Variants in KALRN observed in about 807,000 individuals in gnomAD.
KALRN encodes kalirin RhoGEF kinase.
In KALRN, 70 loss-of-function variants were observed where a neutral mutation model predicts 353.7. The ratio of observed to expected loss-of-function variants is 0.20; its 90% CI spans 0.16 to 0.24. The LOEUF is 0.24. KALRN is among the 10% of genes least tolerant of loss of function. The probability of loss-of-function intolerance (pLI) is 1.00; values close to 1 mark genes in which losing one functional copy is unlikely to be tolerated. For missense variants in KALRN, 2,791 were observed against 3,756.7 expected (o/e 0.74, Z 6.72); for synonymous variants, 1,391 against 1,434.8 (o/e 0.97, Z 0.69).
At chr3:124,627,303 C>T (rs1357823223) in intron 34 of KALRN, among the ~76,000 whole-genome samples, 1 of 152,222 alleles carries the variant, frequency 6.6e-6, no homozygotes, top group Non-Finnish European at 1.5e-5. Flanking sequence ...GGTTGCATGG[C>T]TCCAGTTGCT....
At chr3:124,629,071 C>T (rs2080440216) in intron 34 of KALRN, among the ~76,000 whole-genome samples, 1 of 152,096 alleles carries the variant, frequency 6.6e-6, no homozygotes, top group Non-Finnish European at 1.5e-5. Context: ...AATACCTAGT[C>T]CTGTGTTTGA....
At chr3:124,256,940 C>T (rs2072096526) in intron 3 of KALRN, among the ~76,000 whole-genome samples, 1 of 152,190 alleles carries the variant, frequency 6.6e-6, no homozygotes, top group South Asian at 2.1e-4. Flanking sequence ...CTGCCAAGCT[C>T]TTTAGGGAAA....
chr3:124,081,489 G>A (rs1577871458), intron 1 of KALRN, among the ~76,000 whole-genome samples: 1 of 152,302 alleles, frequency 6.6e-6, no homozygotes, highest in South Asian at 2.1e-4. Context: ...GAGGTAAAGG[G>A]GCCGGGCACA....
At chr3:124,579,575 C>T (rs1028927611) in intron 34 of KALRN, among the ~76,000 whole-genome samples, 3 of 152,070 alleles carry the variant, frequency 2.0e-5, no homozygotes, top group African/African-American at 4.8e-5. Flanking sequence ...AAGCGAGGGG[C>T]GGGCACAAGT....
chr3:124,545,772 C>T (rs1470697989), intron 33 of KALRN, among the ~76,000 whole-genome samples: 1 of 152,210 alleles, frequency 6.6e-6, no homozygotes, highest in African/African-American at 2.4e-5. Flanking sequence ...CTTTATGATG[C>T]AGCCTCACCT....
chr3:124,141,941 G>A (rs547996419), intron 1 of KALRN, among the ~76,000 whole-genome samples: 1 of 152,306 alleles, frequency 6.6e-6, no homozygotes, highest in Non-Finnish European at 1.5e-5. Context: ...TCCCAGCTCT[G>A]CTGTGTGGTT....
At chr3:124,689,779 G>T (rs1255689098) in intron 51 of KALRN, among the ~76,000 whole-genome samples, 1 of 152,092 alleles carries the variant, frequency 6.6e-6, no homozygotes, top group Non-Finnish European at 1.5e-5. Context: ...AAAAAAATAT[G>T]ACTGATGGTT....
Position 124,710,102 on chromosome 3 carries a change from A to T in KALRN, c.8076-2833A>T, listed in dbSNP as rs2062818984. 3.9e-5 allele frequency among the ~76,000 whole-genome samples: 6 copies of T among 152,274 alleles called. No individual in the cohort carries two copies. The South Asian group carries it at 1.0e-3, about 26-fold the overall frequency. On this transcript the variant is annotated intron_variant, in intron 57 of 59. Transcript: ENST00000682506. Reference sequence around the variant, plus strand: ...AACTCACAATCAAGTATAAAAGTAGAATAAGTACAAATTTTCAGATATGCA... The same window carrying T: ...AACTCACAATCAAGTATAAAAGTAGTATAAGTACAAATTTTCAGATATGCA...
At chr3:124,182,883 A>T (rs1006951327) in intron 1 of KALRN, among the ~76,000 whole-genome samples, 19 of 152,186 alleles carry the variant, frequency 1.2e-4, no homozygotes, top group Admixed American at 5.9e-4. Flanking sequence ...CTCATTAAAG[A>T]TTTTCATACT....
At chr3:124,242,797 G>C (rs921725947) in intron 3 of KALRN, among the ~76,000 whole-genome samples, 1 of 152,156 alleles carries the variant, frequency 6.6e-6, no homozygotes, top group African/African-American at 2.4e-5. Flanking sequence ...GGTGAGGGTG[G>C]TGGTGGTGTT....
chr3:124,694,354 C>A lies in KALRN; in HGVS notation c.7428C>A (p.Pro2476=). Residue 2476 remains proline, a synonymous_variant, in exon 53 of 60, where the codon CCC becomes CCA. Coordinates refer to ENST00000682506, the MANE Select transcript of KALRN (RefSeq NM_001388419.1). ...IQEVAPEFLV[P]LVDVTCLLGD... is the part of the protein sequence containing the mutation. ...CAGTGGCCCCAGAATTCCTTGTGCC[C>A]TTGGTGGATGTGACCTGCTTGCTTG... The A allele has an allele frequency of 6.2e-7, 1 of 1,614,106 alleles. No individual in the cohort carries two copies. The highest frequency in any genetic ancestry group is 8.5e-7 in the Non-Finnish European group (1 of 1,180,002).
At chr3:124,676,886 G>A (rs1053523237) in intron 49 of KALRN, among the ~76,000 whole-genome samples, 1 of 152,204 alleles carries the variant, frequency 6.6e-6, no homozygotes, top group East Asian at 1.9e-4. Flanking sequence ...GGGGACAGTA[G>A]AGAGCCTGAC....
intron 34 of KALRN, among the ~76,000 whole-genome samples, chr3:124,601,137 G>T (rs1004515272): frequency 5.3e-5 from 8 of 152,180 alleles, no homozygotes; most frequent in African/African-American, 1.7e-4. Flanking sequence ...TAACTTTATG[G>T]CAATGTCTTC....
Position 124,455,355 on chromosome 3 carries a change from C to A in KALRN, c.3731C>A (p.Thr1244Lys), listed in dbSNP as rs760822519. The change falls in exon 22 of 60, where the codon ACA (threonine) becomes AAA (lysine). Residue 1244 changes from threonine (T) to lysine (K), a missense_variant. Coordinates refer to ENST00000682506, the MANE Select transcript of KALRN (RefSeq NM_001388419.1). ...YSLEKALGVNTEDNKDLELDI... is the reference protein window; with the variant it reads ...YSLEKALGVNKEDNKDLELDI... Reference sequence around the variant, plus strand: ...CTGGAGAAAGCCCTAGGAGTCAACACAGAGGTAGGCAGGGGTATTGTCCTC... The same window carrying A: ...CTGGAGAAAGCCCTAGGAGTCAACAAAGAGGTAGGCAGGGGTATTGTCCTC... The A allele has an allele frequency of 6.2e-7, 1 of 1,613,760 alleles. No individual in the cohort carries two copies. The highest frequency in any genetic ancestry group is 8.5e-7 in the Non-Finnish European group (1 of 1,179,756).
chr3:124,237,542 T>C (rs1005537702), intron 3 of KALRN, among the ~76,000 whole-genome samples: 1 of 152,080 alleles, frequency 6.6e-6, no homozygotes, highest in East Asian at 1.9e-4. Flanking sequence ...TTTGTATTTT[T>C]ATTAGAGATG....
chr3:124,166,135 AC>A (rs2070813728), intron 1 of KALRN, among the ~76,000 whole-genome samples: 1 of 151,310 alleles, frequency 6.6e-6, no homozygotes, highest in South Asian at 2.1e-4. Flanking sequence ...CCTGTCCCCC[AC>A]TCTACCATCC....
intron 1 of KALRN, among the ~76,000 whole-genome samples, chr3:124,178,447 A>G (rs1488157154): frequency 1.3e-5 from 2 of 152,224 alleles, no homozygotes; most frequent in Non-Finnish European, 2.9e-5. Context: ...CAAACCTCGT[A>G]GAATGTACTT....
At position 124,446,267 on chromosome 3, in the gene KALRN, C is replaced by T. The variant is rs781542196; in HGVS notation, c.3420C>T (p.Ser1140=). Residue 1140 remains serine, a synonymous_variant, in exon 20 of 60, where the codon AGC becomes AGT. Coordinates refer to ENST00000682506, the MANE Select transcript of KALRN (RefSeq NM_001388419.1). The part of the protein sequence containing the change: ...QCQQYVVFER[S]AKQALDWIQE... ...AGCAATATGTGGTGTTCGAGCGCAG[C>T]GCTAAGCAGGTTGTCCAAAGCTTTC... 30 of 1,612,194 alleles carry T rather than the reference C, an allele frequency of 1.9e-5. 1 individual carries two copies. Among genetic ancestry groups the T allele is most frequent in the Admixed American group, 1.3e-4 (8 of 59,946 alleles).
At chr3:124,381,112 C>T in intron 10 of KALRN, among the ~76,000 whole-genome samples, 1 of 152,010 alleles carries the variant, frequency 6.6e-6, no homozygotes, top group East Asian at 1.9e-4. Context: ...TCTAGGAGTC[C>T]AGAGGAGGGC....
Sources: gnomAD v4.1 joint callset for allele counts (sites outside exome capture counted in the v4.1 genomes callset) on GRCh38, gnomAD v4.1.1 for gene constraint, MANE v1.5 for transcripts, NCBI Gene and HGNC (gene_info 2026-07-23, HGNC 2026-07-21) for gene names.